The following RGS7 variants were observed in gnomAD, a reference collection of about 807,000 sequenced individuals.
The protein encoded by RGS7 is regulator of G-protein signaling 7.
RGS7 carries 27 observed loss-of-function variants against 81.1 expected under a neutral mutation model. The ratio of observed to expected loss-of-function variants is 0.33; its 90% CI spans 0.25 to 0.46. The LOEUF (loss-of-function observed/expected upper bound fraction) is 0.46, where lower values mean the gene tolerates loss of function less well. Ranked by LOEUF, RGS7 falls within the 20% of genes least tolerant of loss-of-function variation. The pLI is 1.00. For missense variants in RGS7, 396 were observed against 607.4 expected, an observed-to-expected ratio of 0.65 and a Z score of 3.66; for synonymous variants, 208 against 207.7, an observed-to-expected ratio of 1.00 and a Z score of -0.01.
At chr1:241,143,133 C>T (rs111441205) in intron 2 of RGS7, among the ~76,000 whole-genome samples, 4,059 of 152,194 alleles carry the variant, frequency 0.027, 171 homozygotes, top group African/African-American at 0.092. Flanking sequence ...TCACTATCAG[C>T]GTTTTTGTCA....
intron 9 of RGS7, among the ~76,000 whole-genome samples, chr1:240,852,298 T>C (rs1660254375): frequency 6.6e-6 from 1 of 152,262 alleles, no homozygotes; most frequent in Admixed American, 6.5e-5. Flanking sequence ...GTTATCATTT[T>C]TCAGTAATAA....
chr1:240,776,078 A>G lies in RGS7; in HGVS notation c.*142T>C. ...CTTTGCTCATGCAACATCTTGTTCT[A>G]ATGTCCTCTGCTCCAGGTCACAACA... On this transcript the variant is annotated 3_prime_UTR_variant, in exon 19 of 19. Transcript: ENST00000440928. 9.8e-7 allele frequency: 1 copy of G among 1,017,178 alleles called. No homozygotes were observed. Among genetic ancestry groups the G allele is most frequent in the Non-Finnish European group, 1.6e-6 (1 of 635,224 alleles). 63.0% of individuals were successfully genotyped at this position (1,017,178 alleles called of 1,614,324 possible).
At chr1:241,207,913 C>CT (rs1305222158) in intron 2 of RGS7, among the ~76,000 whole-genome samples, 1 of 152,046 alleles carries the variant, frequency 6.6e-6, no homozygotes, top group East Asian at 1.9e-4. Context: ...ACATCTTTGC[C>CT]TTTTTTCTTT....
intron 2 of RGS7, among the ~76,000 whole-genome samples, chr1:241,273,194 A>C (rs2078018617): frequency 8.3e-6 from 1 of 120,596 alleles, no homozygotes; most frequent in African/African-American, 2.9e-5. Context: ...CCCAAAGGAT[A>C]CACTCCTTCT....
chr1:241,097,984 A>C (rs2502433), intron 3 of RGS7, among the ~76,000 whole-genome samples: 253 of 152,228 alleles, frequency 1.7e-3, no homozygotes, highest in African/African-American at 5.9e-3. Context: ...CAGCCCTTGG[A>C]TATCAGGACC....
chr1:241,161,672 T>C (rs2069685012), intron 2 of RGS7, among the ~76,000 whole-genome samples: 2 of 151,038 alleles, frequency 1.3e-5, no homozygotes. Context: ...TATGTATACA[T>C]GTAATACATG....
intron 9 of RGS7, among the ~76,000 whole-genome samples, chr1:240,828,714 G>C (rs1693289254): frequency 6.6e-6 from 1 of 152,216 alleles, no homozygotes. Context: ...TTGAGCCCAG[G>C]AGGTGGAGGT....
intron 3 of RGS7, among the ~76,000 whole-genome samples, chr1:241,089,063 C>CTCTCTCTATATATATATATA (rs1374552672): frequency 8.4e-5 from 2 of 23,684 alleles, no homozygotes; most frequent in Admixed American, 4.9e-4. Context: ...CTCTCTCTCT[C>CTCTCTCTATATATATATATA]TATATATATA....
intron 2 of RGS7, among the ~76,000 whole-genome samples, chr1:241,214,164 G>A (rs2074415060): frequency 6.6e-6 from 1 of 152,060 alleles, no homozygotes; most frequent in Non-Finnish European, 1.5e-5. Context: ...CTTTCAGCCT[G>A]AAGACCCCCT....
chr1:240,853,864 G>A (rs1327187469), intron 9 of RGS7, among the ~76,000 whole-genome samples: 1 of 113,504 alleles, frequency 8.8e-6, no homozygotes, highest in African/African-American at 3.4e-5. Flanking sequence ...TCAGGCCACT[G>A]CACTCCAGCC....
At chr1:241,336,889 AAAGACTCACTC>A (rs1407171630) in intron 2 of RGS7, among the ~76,000 whole-genome samples, 2 of 152,190 alleles carry the variant, frequency 1.3e-5, no homozygotes, top group Admixed American at 6.6e-5. Context: ...AGAGAGTTTA[AAAGACTCACTC>A]AAGTTCACAA....
At chr1:241,074,668 T>C (rs1452276266) in intron 3 of RGS7, among the ~76,000 whole-genome samples, 2 of 152,220 alleles carry the variant, frequency 1.3e-5, no homozygotes, top group East Asian at 3.9e-4. Context: ...AGTCTCTGAC[T>C]TGCCAAACCT....
intron 2 of RGS7, among the ~76,000 whole-genome samples, chr1:241,189,142 TTTTA>T (rs925322627): frequency 6.6e-6 from 1 of 152,144 alleles, no homozygotes; most frequent in African/African-American, 2.4e-5. Context: ...ACCTAGCTAA[TTTTA>T]TTTATTTGTT....
At chr1:241,099,281 G>C (rs1444142484) in intron 2 of RGS7, among the ~76,000 whole-genome samples, 1 of 152,022 alleles carries the variant, frequency 6.6e-6, no homozygotes, top group Non-Finnish European at 1.5e-5. Flanking sequence ...TCTTGCCCGG[G>C]TACTTACTGA....
At chr1:241,308,212 C>T (rs2080290760) in intron 2 of RGS7, among the ~76,000 whole-genome samples, 1 of 152,092 alleles carries the variant, frequency 6.6e-6, no homozygotes. Context: ...GGCCAGGGCA[C>T]AGTGACCAGA....
chr1:241,344,912 G>A (rs559033226), intron 2 of RGS7, among the ~76,000 whole-genome samples: 3 of 152,266 alleles, frequency 2.0e-5, no homozygotes, highest in South Asian at 2.1e-4. Flanking sequence ...TAAATTATTC[G>A]ATTATGAAGA....
At chr1:241,203,608 T>C (rs2073676789) in intron 2 of RGS7, among the ~76,000 whole-genome samples, 1 of 152,188 alleles carries the variant, frequency 6.6e-6, no homozygotes, top group African/African-American at 2.4e-5. Context: ...AAGAATATCA[T>C]TTCAACAAAC....
intron 2 of RGS7, among the ~76,000 whole-genome samples, chr1:241,331,539 A>G (rs962905442): frequency 6.6e-6 from 1 of 152,138 alleles, no homozygotes; most frequent in Non-Finnish European, 1.5e-5. Context: ...CATTGATATT[A>G]TATTATTATT....
intron 2 of RGS7, among the ~76,000 whole-genome samples, chr1:241,101,320 A>C (rs1405165441): frequency 6.6e-6 from 1 of 152,004 alleles, no homozygotes; most frequent in African/African-American, 2.4e-5. Context: ...ACATGGCGCA[A>C]CCCTGTCTCT....
Sources: gnomAD v4.1 joint callset for allele counts (sites outside exome capture counted in the v4.1 genomes callset) on GRCh38, gnomAD v4.1.1 for gene constraint, MANE v1.5 for transcripts, NCBI Gene and HGNC (gene_info 2026-07-23, HGNC 2026-07-21) for gene names.